The following ITPR2 variants were observed in gnomAD, a reference collection of about 807,000 sequenced individuals.
ITPR2 encodes inositol 1,4,5-trisphosphate receptor type 2.
ITPR2 carries 207 observed loss-of-function variants against 317.1 expected under a neutral mutation model. That is an observed-to-expected ratio of 0.65 (90% confidence interval 0.58 to 0.73). The LOEUF is 0.73. Among genes scored for constraint, ITPR2 ranks in the 30% least tolerant of loss-of-function variants. The pLI, the probability that ITPR2 is intolerant of heterozygous loss-of-function variation, is 0.00. For synonymous variants in ITPR2, 1,156 were observed against 1,149.1 expected (o/e 1.01, Z -0.12); for missense variants, 2,613 against 3,284.0 (o/e 0.80, Z 4.99).
At chr12:26,621,325 G>C (rs1380325760) in intron 25 of ITPR2, 29 bp from the exon 26 acceptor site, 1 of 1,522,678 alleles carries the variant, frequency 6.6e-7, no homozygotes, top group Non-Finnish European at 9.0e-7. Context: ...AATCTTAGTT[G>C]AAGTTCACTA....
At chr12:26,637,637 A>G (rs1298268121) in intron 21 of ITPR2, among the ~76,000 whole-genome samples, 2 of 152,190 alleles carry the variant, frequency 1.3e-5, no homozygotes, top group Non-Finnish European at 2.9e-5. Flanking sequence ...GTAAGGTATT[A>G]TTTCAAAAAT....
intron 2 of ITPR2, among the ~76,000 whole-genome samples, chr12:26,757,888 G>A (rs12314890): frequency 0.016 from 2,483 of 152,236 alleles, 64 homozygotes; most frequent in African/African-American, 0.056. Context: ...ATATCCTCTT[G>A]GGGATGTGGA....
intron 2 of ITPR2, among the ~76,000 whole-genome samples, chr12:26,744,272 C>T (rs745760775): frequency 3.2e-4 from 48 of 152,250 alleles, no homozygotes; most frequent in African/African-American, 2.4e-5. Flanking sequence ...CCCACCACTA[C>T]CTGGCCACTC....
At chr12:26,709,639 T>C (rs1000656348) in intron 9 of ITPR2, among the ~76,000 whole-genome samples, 3 of 152,166 alleles carry the variant, frequency 2.0e-5, no homozygotes, top group Non-Finnish European at 4.4e-5. Context: ...ATCATGTCAG[T>C]TTTCTACAGC....
At chr12:26,517,716 T>C (rs1210172867) in intron 37 of ITPR2, among the ~76,000 whole-genome samples, 1 of 152,142 alleles carries the variant, frequency 6.6e-6, no homozygotes, top group African/African-American at 2.4e-5. Flanking sequence ...TGCCTGCCTG[T>C]AATCCCAGCT....
rs750075113 is a variant in ITPR2, at chr12:26,476,946, T to C, written c.6185A>G (p.Glu2062Gly). ...MESRHDSENA[E>G]RILFNMRPRE... ...GGGTCTCATGTTAAAAAGAATTCTT[T>C]CTGCATTCTCACTGTCATGTCTGCT... Residue 2062 changes from glutamate to glycine, a missense_variant, in exon 44 of 57, where the codon GAA (glutamate) becomes GGA (glycine). Transcript: ENST00000381340. 6.2e-7 allele frequency: 1 copy of C among 1,613,422 alleles called. No homozygotes were observed. Among genetic ancestry groups the C allele is most frequent in the South Asian group, 1.1e-5 (1 of 91,008 alleles).
At chr12:26,779,306 A>C (rs1158482124) in intron 2 of ITPR2, among the ~76,000 whole-genome samples, 1 of 152,182 alleles carries the variant, frequency 6.6e-6, no homozygotes, top group African/African-American at 2.4e-5. Context: ...GCTTTGGTGG[A>C]AACTGAACAT....
At chr12:26,414,050 T>TCACACACACACACACAC in intron 51 of ITPR2, among the ~76,000 whole-genome samples, 1 of 138,114 alleles carries the variant, frequency 7.2e-6, no homozygotes, top group African/African-American at 2.8e-5. Flanking sequence ...TGTATATATG[T>TCACACACACACACACAC]ACACACACAC....
chr12:26,445,656 C>G (rs1941593603), intron 45 of ITPR2, among the ~76,000 whole-genome samples: 1 of 152,058 alleles, frequency 6.6e-6, no homozygotes, highest in African/African-American at 2.4e-5. Flanking sequence ...GGTTTAGCAA[C>G]TCAGAAATTA....
chr12:26,797,880 TG>T (rs1466037755), intron 1 of ITPR2, among the ~76,000 whole-genome samples: 2 of 151,644 alleles, frequency 1.3e-5, no homozygotes, highest in Non-Finnish European at 2.9e-5. Flanking sequence ...TTAGTAGAGA[TG>T]GGGTTTCATC....
chr12:26,712,093 C>T (rs1281450792), intron 8 of ITPR2, among the ~76,000 whole-genome samples: 2 of 152,168 alleles, frequency 1.3e-5, no homozygotes, highest in African/African-American at 4.8e-5. Flanking sequence ...CACTCCAATT[C>T]AGGCATGTGA....
chr12:26,662,604 A>T (rs1947527791), intron 15 of ITPR2, among the ~76,000 whole-genome samples: 1 of 152,226 alleles, frequency 6.6e-6, no homozygotes, highest in South Asian at 2.1e-4. Context: ...ATCAAACAAT[A>T]ATTAATTTTA....
chr12:26,507,404 G>T (rs1290715218), intron 37 of ITPR2, among the ~76,000 whole-genome samples: 4 of 152,160 alleles, frequency 2.6e-5, no homozygotes, highest in East Asian at 3.9e-4. Flanking sequence ...ATGGTCTTAT[G>T]AATGTTATTT....
intron 8 of ITPR2, among the ~76,000 whole-genome samples, chr12:26,713,109 C>T (rs1465089050): frequency 6.6e-6 from 1 of 152,214 alleles, no homozygotes; most frequent in African/African-American, 2.4e-5. Flanking sequence ...CTAGTGCCCG[C>T]TCCTACAAGG....
intron 26 of ITPR2, among the ~76,000 whole-genome samples, chr12:26,618,373 T>C (rs1946417015): frequency 6.6e-6 from 1 of 152,238 alleles, no homozygotes; most frequent in South Asian, 2.1e-4. Flanking sequence ...AGGACTTAAC[T>C]ATTTGCCTGT....
At chr12:26,487,348 C>T (rs1159021566) in intron 39 of ITPR2, 97 bp from the exon 40 acceptor site, 2 of 757,132 alleles carry the variant, frequency 2.6e-6, no homozygotes, top group East Asian at 5.3e-5. Context: ...CAAAAGCACA[C>T]ACTTAATGCA....
chr12:26,741,998 G>A (rs1949238182), intron 2 of ITPR2, among the ~76,000 whole-genome samples: 1 of 152,202 alleles, frequency 6.6e-6, no homozygotes, highest in Admixed American at 6.5e-5. Flanking sequence ...GGCCCAGGCA[G>A]GGAAGGGAGA....
At chr12:26,771,472 G>C (rs537456702) in intron 2 of ITPR2, among the ~76,000 whole-genome samples, 1 of 152,148 alleles carries the variant, frequency 6.6e-6, no homozygotes, top group Non-Finnish European at 1.5e-5. Flanking sequence ...ATATATAGAA[G>C]TCATTGTGGG....
At chr12:26,809,819 C>T (rs957208745) in intron 1 of ITPR2, among the ~76,000 whole-genome samples, 6 of 152,054 alleles carry the variant, frequency 3.9e-5, no homozygotes, top group African/African-American at 7.2e-5. Context: ...AAATAACGAG[C>T]GTAGATTTAA....
Sources: allele counts gnomAD v4.1 joint callset (sites outside exome capture counted in the v4.1 genomes callset), GRCh38; gene constraint gnomAD v4.1.1; transcripts MANE v1.5; gene names NCBI Gene and HGNC (gene_info 2026-07-23, HGNC 2026-07-21).